Variants in DNAH8 observed in about 807,000 individuals in gnomAD.
DNAH8 encodes the protein dynein axonemal heavy chain 8, also known as axonemal beta dynein heavy chain 8.
A neutral mutation model predicts 562.1 loss-of-function variants in DNAH8; 382 were observed. That is an observed-to-expected ratio of 0.68 (90% CI 0.63 to 0.74). The LOEUF is 0.74. Ranked by LOEUF, DNAH8 falls within the 30% of genes least tolerant of loss-of-function variation. The probability of loss-of-function intolerance (pLI) is 0.00; values close to 1 mark genes in which losing one functional copy is unlikely to be tolerated. For missense variants in DNAH8, 5,203 were observed against 5,620.4 expected (o/e 0.93, Z 2.37); for synonymous variants, 1,881 against 1,919.4 (o/e 0.98, Z 0.52).
rs752428757 is a variant in DNAH8 at position 38,866,754 on chromosome 6, T to G, written c.6586-15T>G. 3 of 1,602,348 alleles carry G rather than the reference T, an allele frequency of 1.9e-6. No individual in the cohort carries two copies. The highest frequency in any genetic ancestry group is 1.7e-5 in the Admixed American group (1 of 59,182). The stretch of plus-strand genomic sequence containing the variant: ...TTCACTAAAGTTGAAAAAAACTCAC[T>G]ATATTAATTTTCAGATCATTATGAG... On this transcript the variant is annotated splice_polypyrimidine_tract_variant and intron_variant, in intron 46 of 92. Coordinates refer to ENST00000327475, the MANE Select transcript of DNAH8 (RefSeq NM_001206927.2).
At chr6:38,833,477 C>T (rs1199704658) in intron 31 of DNAH8, among the ~76,000 whole-genome samples, 1 of 152,130 alleles carries the variant, frequency 6.6e-6, no homozygotes, top group Non-Finnish European at 1.5e-5. Context: ...TGAACAGACA[C>T]AGCCAGTCAG....
chr6:38,839,810 G>C (rs964704423), intron 33 of DNAH8, among the ~76,000 whole-genome samples: 1 of 152,056 alleles, frequency 6.6e-6, no homozygotes, highest in African/African-American at 2.4e-5. Context: ...TTATAGGCAT[G>C]TGCCACCATG....
At chr6:38,797,421 C>A (rs1188955442) in intron 21 of DNAH8, among the ~76,000 whole-genome samples, 1 of 152,174 alleles carries the variant, frequency 6.6e-6, no homozygotes, top group Admixed American at 6.5e-5. Flanking sequence ...ATATTCCTAA[C>A]ACCAGGGTTT....
At chr6:38,911,704 A>C in intron 66 of DNAH8, 118 bp downstream of exon 66, 4 of 706,808 alleles carry the variant, frequency 5.7e-6, no homozygotes, top group Non-Finnish European at 9.6e-6. Flanking sequence ...TGTTAGTAGT[A>C]GATAATTTTA....
In DNAH8 at chr6:38,729,926, G is replaced by A. The variant is rs1308668216; in HGVS notation, c.550G>A (p.Ala184Thr). Residue 184 changes from alanine (A) to threonine (T), a missense_variant, in exon 4 of 93, where the codon GCG (alanine) becomes ACG (threonine). Ala to Thr is a moderately conservative substitution (Grantham distance 58). Transcript: ENST00000327475. ...PSLEAFTNFF[A>T]KDGCKTLKFL... ...GCTGGAAGCATTTACTAATTTTTTT[G>A]CGAAAGATGGTTGTAAGACACTGAA... 1.9e-6 allele frequency: 3 copies of A among 1,586,840 alleles called. No individual in the cohort carries two copies. Among genetic ancestry groups the A allele is most frequent in the African/African-American group, 2.7e-5 (2 of 74,216 alleles).
At chr6:38,725,949 T>C (rs1338287469) in intron 3 of DNAH8, among the ~76,000 whole-genome samples, 1 of 152,242 alleles carries the variant, frequency 6.6e-6, no homozygotes, top group Non-Finnish European at 1.5e-5. Flanking sequence ...GTGACTATTC[T>C]AGTTTCTGTG....
rs1562937280 is a variant in DNAH8 at position 38,832,358 on chromosome 6, A to G, written c.4225A>G (p.Lys1409Glu). The G allele has an allele frequency of 1.2e-6, 2 of 1,613,756 alleles. No individual in the cohort carries two copies. Among genetic ancestry groups the G allele is most frequent in the South Asian group, 1.1e-5 (1 of 91,062 alleles). The change falls in exon 31 of 93, where the codon AAG becomes GAG. Residue 1409 changes from lysine (K) to glutamate (E), a missense_variant. This residue lies in a region of DNAH8 where 2,176 missense variants were observed against 2,365.1 expected (regional missense o/e 0.92). Transcript: ENST00000327475. ...AGAGGACCTAGTTCAAGTGCAGCCA[A>G]AGTTTAAAAGCAATCTACTTGAGTC... The part of the protein sequence containing the change: ...VQEDLVQVQP[K>E]FKSNLLESVE...
intron 38 of DNAH8, 43 bp downstream of exon 38, chr6:38,850,457 C>G (rs1055609835): frequency 6.4e-6 from 10 of 1,557,240 alleles, no homozygotes; most frequent in Non-Finnish European, 8.8e-6. Flanking sequence ...TTGTATGTGA[C>G]AGTGTTTTAT....
At chr6:38,795,517 T>C (rs1338994562) in intron 21 of DNAH8, among the ~76,000 whole-genome samples, 1 of 114,786 alleles carries the variant, frequency 8.7e-6, no homozygotes, top group Non-Finnish European at 2.0e-5. Flanking sequence ...GAGGCGGAGC[T>C]TGCAGTGAGC....
At chr6:38,878,913 T>C (rs1103430) in intron 53 of DNAH8, among the ~76,000 whole-genome samples, 9,926 of 152,226 alleles carry the variant, frequency 0.065, 1,007 homozygotes, top group African/African-American at 0.22. Context: ...TCGCTTGTAA[T>C]AATTCCACAT....
At chr6:39,011,462 C>T (rs1431368472) in intron 89 of DNAH8, among the ~76,000 whole-genome samples, 1 of 152,184 alleles carries the variant, frequency 6.6e-6, no homozygotes, top group African/African-American at 2.4e-5. Context: ...GTTCAAATCC[C>T]TTTATGAGTT....
chr6:38,873,506 C>T (rs1236858005), intron 52 of DNAH8, 130 bp downstream of exon 52: 2 of 778,572 alleles, frequency 2.6e-6, no homozygotes, highest in Admixed American at 3.4e-5. Flanking sequence ...GCTGTAAAAG[C>T]TCTGATAATT....
At chr6:39,023,969 ACAT>A (rs1767106247) in intron 91 of DNAH8, among the ~76,000 whole-genome samples, 1 of 152,242 alleles carries the variant, frequency 6.6e-6, no homozygotes, top group African/African-American at 2.4e-5. Flanking sequence ...CAGCTGCCCA[ACAT>A]CATTCCCATT....
intron 88 of DNAH8, among the ~76,000 whole-genome samples, chr6:38,993,720 T>C (rs561701048): frequency 1.3e-5 from 2 of 152,332 alleles, no homozygotes; most frequent in East Asian, 3.9e-4. Context: ...CAATGTATCC[T>C]GTAAATCACT....
intron 21 of DNAH8, among the ~76,000 whole-genome samples, chr6:38,801,133 A>G (rs889769395): frequency 1.2e-4 from 18 of 152,160 alleles, no homozygotes; most frequent in African/African-American, 7.2e-5. Context: ...ATCCAAGGTC[A>G]TGAAGATTTA....
chr6:39,003,411 C>T (rs1273867766), intron 88 of DNAH8, among the ~76,000 whole-genome samples: 4 of 152,066 alleles, frequency 2.6e-5, no homozygotes, highest in African/African-American at 4.8e-5. Flanking sequence ...CTCTGTTTTT[C>T]AAACTGAAAA....
At chr6:38,790,187 T>C in intron 19 of DNAH8, 102 bp from the exon 20 acceptor site, 3 of 767,486 alleles carry the variant, frequency 3.9e-6, no homozygotes, top group Non-Finnish European at 6.8e-6. Context: ...AAAATACATG[T>C]AAGAAAATAT....
At chr6:38,881,748 T>C (rs1583264185) in intron 53 of DNAH8, among the ~76,000 whole-genome samples, 1 of 152,116 alleles carries the variant, frequency 6.6e-6, no homozygotes, top group East Asian at 1.9e-4. Context: ...ACAGGGTTTC[T>C]CCACGTTGGT....
chr6:39,012,816 A>G lies in DNAH8; in HGVS notation c.13714+179A>G, dbSNP rs535761386. Among the ~76,000 whole-genome samples the G allele has an allele frequency of 1.4e-3, 215 of 152,372 alleles. 1 individual carries two copies. The highest frequency in any genetic ancestry group is 4.7e-3 in the African/African-American group (195 of 41,590). ...CTTCTGTATTTGTTTTACAAATTCA[A>G]TCTGAAGCTCTTCCTATCAATTCTT... On this transcript the variant is annotated intron_variant, in intron 91 of 92. Coordinates refer to ENST00000327475, the MANE Select transcript of DNAH8 (RefSeq NM_001206927.2).
Sources: allele counts gnomAD v4.1 joint callset (sites outside exome capture counted in the v4.1 genomes callset), GRCh38; gene constraint gnomAD v4.1.1; regional missense constraint gnomAD v4.1.1; transcripts MANE v1.5; gene names NCBI Gene and HGNC (gene_info 2026-07-23, HGNC 2026-07-21).